Variants in CRHR2 observed in about 807,000 individuals in gnomAD.
CRHR2 encodes the protein corticotropin-releasing hormone receptor 2.
In CRHR2, 53 loss-of-function variants were observed where a neutral mutation model predicts 57.9. That is an observed-to-expected ratio of 0.92 (90% CI 0.73 to 1.15). The LOEUF is 1.15. Ranked by LOEUF, CRHR2 falls within the 50% of genes most tolerant of loss-of-function variation. The pLI is 0.00. For synonymous variants in CRHR2, 213 were observed against 220.9 expected, an observed-to-expected ratio of 0.96 and a Z score of 0.32; for missense variants, 532 against 542.6, an observed-to-expected ratio of 0.98 and a Z score of 0.19.
At chr7:30,674,682 A>G (rs967860023) in intron 2 of CRHR2, among the ~76,000 whole-genome samples, 3 of 152,118 alleles carry the variant, frequency 2.0e-5, no homozygotes, top group Non-Finnish European at 4.4e-5. Context: ...ACAGGCTTTT[A>G]GGTACCAGAC....
intron 2 of CRHR2, among the ~76,000 whole-genome samples, chr7:30,671,635 C>CAAAAAAAA (rs11305836): frequency 1.9e-5 from 2 of 104,956 alleles, no homozygotes; most frequent in African/African-American, 3.4e-5. Flanking sequence ...CCCCATCTCT[C>CAAAAAAAA]AAAAAAAAAA....
At chr7:30,699,410 A>T (rs1452001584) in intron 1 of CRHR2, among the ~76,000 whole-genome samples, 1 of 152,016 alleles carries the variant, frequency 6.6e-6, no homozygotes, top group African/African-American at 2.4e-5. Flanking sequence ...GATTCCAGGC[A>T]CTGAGAGGAA....
At chr7:30,688,950 G>A in intron 2 of CRHR2, 1 of 619,794 alleles carries the variant, frequency 1.6e-6, no homozygotes, top group South Asian at 1.5e-5. Context: ...CATCGTGGGA[G>A]CTGGGAATGG....
At chr7:30,662,062 C>T in intron 7 of CRHR2, 94 bp downstream of exon 7, 1 of 1,362,136 alleles carries the variant, frequency 7.3e-7, no homozygotes, top group Non-Finnish European at 1.0e-6. Flanking sequence ...GGCTACAATT[C>T]CTGCTCCACG....
intron 1 of CRHR2, among the ~76,000 whole-genome samples, chr7:30,690,124 C>T (rs1448064723): frequency 6.6e-6 from 1 of 152,160 alleles, no homozygotes; most frequent in Admixed American, 6.5e-5. Flanking sequence ...GTGAAGGGAC[C>T]ATCTTCTGGT....
chr7:30,689,308 T>C, intron 1 of CRHR2: 1 of 1,541,484 alleles, frequency 6.5e-7, no homozygotes, highest in Non-Finnish European at 8.8e-7. Context: ...AGGATGAGGG[T>C]CAAAGATCAG....
rs1046948056 is a variant in CRHR2 at position 30,665,843 on chromosome 7, A to G, written c.316-204T>C. 2.0e-5 allele frequency among the ~76,000 whole-genome samples: 3 copies of G among 152,060 alleles called. No homozygotes were observed. The South Asian group carries it at 6.2e-4, about 31-fold the overall frequency. ...TAAATGGCTGTGGTCAGGCCTTCCA[A>G]CATGCATTTATTTTTATTTTTTTAG... On this transcript the variant is annotated intron_variant, in intron 3 of 11. Transcript: ENST00000471646. The surrounding 1 kb of genome is among the most constrained non-coding windows in gnomAD (Gnocchi z 4.5).
chr7:30,680,865 G>A (rs987433007), intron 2 of CRHR2, among the ~76,000 whole-genome samples: 1 of 145,882 alleles, frequency 6.9e-6, no homozygotes, highest in Non-Finnish European at 1.5e-5. Flanking sequence ...TATGTGTGGT[G>A]GAGGTGGAGC....
At chr7:30,662,017 T>G in intron 7 of CRHR2, 139 bp downstream of exon 7, 1 of 855,260 alleles carries the variant, frequency 1.2e-6, no homozygotes, top group African/African-American at 1.7e-5. Context: ...TTTTTTCAAT[T>G]TAAGGACAAC....
chr7:30,662,342 A>C, intron 6 of CRHR2, 126 bp from the exon 7 acceptor site: 1 of 1,100,788 alleles, frequency 9.1e-7, no homozygotes, highest in Non-Finnish European at 1.3e-6. Flanking sequence ...GGCCACCCAC[A>C]ACCCCAGGGG....
At chr7:30,675,923 A>G (rs1341189731) in intron 2 of CRHR2, among the ~76,000 whole-genome samples, 1 of 152,246 alleles carries the variant, frequency 6.6e-6, no homozygotes, top group Admixed American at 6.5e-5. Context: ...AAATACTCAG[A>G]ACCCCAATAA....
upstream of CRHR2, among the ~76,000 whole-genome samples, chr7:30,684,626 C>A (rs1784817745): frequency 6.6e-6 from 1 of 152,192 alleles, no homozygotes; most frequent in South Asian, 2.1e-4. Context: ...GGCTGTTCTG[C>A]ATCCTGAATG....
rs1377019159 is a variant in CRHR2, at chr7:30,682,204, C to A, written c.77G>T (p.Gly26Val). 3 of 1,587,844 alleles carry A rather than the reference C, an allele frequency of 1.9e-6. No individual in the cohort carries two copies. The highest frequency in any genetic ancestry group is 2.3e-5 in the East Asian group (1 of 43,714). The change falls in exon 1 of 12, where the codon GGC becomes GTC. Residue 26 changes from glycine to valine, a missense_variant. By Grantham distance (109) the Gly-to-Val change is moderately radical. Coordinates refer to ENST00000471646, the MANE Select transcript of CRHR2 (RefSeq NM_001883.5). ...LALAEELLLD[G>V]WGPPLDPEGP... ...CTCGGGGTCCAGGGGTGGCCCCCAG[C>A]CGTCCAAGAGCAGCTCTTCAGCCAG...
intron 2 of CRHR2, among the ~76,000 whole-genome samples, chr7:30,687,863 C>G (rs1562810171): frequency 1.3e-5 from 2 of 152,220 alleles, no homozygotes; most frequent in South Asian, 2.1e-4. Context: ...GGAGGGGCCT[C>G]CATTTCCTGT....
intron 2 of CRHR2, chr7:30,689,037 C>CCCTCA (rs1562810708): frequency 1.5e-5 from 11 of 714,524 alleles, no homozygotes; most frequent in Non-Finnish European, 1.8e-5. Context: ...TGCGTAAGGG[C>CCCTCA]CCTCAGCAAG....
At chr7:30,686,421 C>T, upstream of CRHR2, 1 of 1,534,194 alleles carries the variant, frequency 6.5e-7, no homozygotes, top group Non-Finnish European at 8.7e-7. Context: ...GCCCAGGTCC[C>T]TGTCTTCAGG....
chr7:30,658,319 A>G lies in CRHR2; in HGVS notation c.831+2254T>C, dbSNP rs1486243001. On this transcript the variant is annotated intron_variant, in intron 8 of 11. Transcript: ENST00000471646. ...TGTTTCTGGTTTTATTTAATTGTTC[A>G]TTCATTCAATGAATCAATGGACCAT... is the stretch of plus-strand genomic sequence containing the variant. 3.3e-5 allele frequency among the ~76,000 whole-genome samples: 5 copies of G among 152,208 alleles called. No individual in the cohort carries two copies. The South Asian group carries it at 1.0e-3, about 32-fold the overall frequency.
intron 1 of CRHR2, among the ~76,000 whole-genome samples, chr7:30,693,406 G>T (rs1043392560): frequency 1.3e-5 from 2 of 152,174 alleles, no homozygotes; most frequent in Admixed American, 1.3e-4. Flanking sequence ...CTCAAAGGTG[G>T]GATTGGGGGC....
Position 30,662,151 on chromosome 7 carries a change from C to T in CRHR2, c.758+5G>A, listed in dbSNP as rs1784024673. 1.2e-6 allele frequency: 2 copies of T among 1,613,904 alleles called. No individual in the cohort carries two copies. Among genetic ancestry groups the T allele is most frequent in the African/African-American group, 1.3e-5 (1 of 74,928 alleles). On this transcript the variant is annotated splice_donor_5th_base_variant and intron_variant, in intron 7 of 11. Coordinates refer to ENST00000471646, the MANE Select transcript of CRHR2 (RefSeq NM_001883.5). ...TGACCCCCCATGGCTGGCCCATCCA[C>T]TTACTGTTCATTCTCATAGTAGAGC... is the stretch of plus-strand genomic sequence containing the variant.
Sources: gnomAD v4.1 joint callset for allele counts (sites outside exome capture counted in the v4.1 genomes callset) on GRCh38, gnomAD v4.1.1 for gene constraint, Gnocchi (gnomAD v3.1) non-coding constraint, MANE v1.5 for transcripts, NCBI Gene and HGNC (gene_info 2026-07-23, HGNC 2026-07-21) for gene names.